Variants in LRRFIP1 observed in about 807,000 individuals in gnomAD.
The protein encoded by LRRFIP1 is leucine-rich repeat flightless-interacting protein 1.
A neutral mutation model predicts 104.4 loss-of-function variants in LRRFIP1; 62 were observed. That is an observed-to-expected ratio of 0.59 (90% confidence interval 0.48 to 0.73). The LOEUF (loss-of-function observed/expected upper bound fraction) is 0.73. LRRFIP1 is among the 30% of genes least tolerant of loss of function. The pLI is 0.00. For missense variants in LRRFIP1, 796 were observed against 824.5 expected, an observed-to-expected ratio of 0.97 and a Z score of 0.42; for synonymous variants, 300 against 299.0, an observed-to-expected ratio of 1.00 and a Z score of -0.03.
intron 23 of LRRFIP1, 75 bp downstream of exon 23, chr2:237,774,537 T>G: frequency 1.0e-6 from 1 of 963,004 alleles, no homozygotes; most frequent in Non-Finnish European, 1.6e-6. Context: ...CAGAGAGGAT[T>G]TACTACTGTG....
At chr2:237,662,037 C>T (rs2088088240) in intron 1 of LRRFIP1, among the ~76,000 whole-genome samples, 1 of 152,172 alleles carries the variant, frequency 6.6e-6, no homozygotes, top group South Asian at 2.1e-4. Flanking sequence ...CTCACAGTTC[C>T]GGAGACCGGA....
intron 13 of LRRFIP1, 120 bp downstream of exon 13, chr2:237,749,444 C>T (rs770546379): frequency 2.2e-5 from 25 of 1,160,752 alleles, no homozygotes; most frequent in Non-Finnish European, 3.0e-5. Flanking sequence ...TCCTCTCTCC[C>T]TCACCTCCCC....
intron 15 of LRRFIP1, among the ~76,000 whole-genome samples, chr2:237,755,418 G>A (rs1359259525): frequency 6.6e-6 from 1 of 152,208 alleles, no homozygotes; most frequent in Non-Finnish European, 1.5e-5. Context: ...TTCAGCAGGG[G>A]CCATTTTATG....
In LRRFIP1 at chr2:237,735,389, A is replaced by G; in HGVS notation, c.555+56A>G. The G allele has an allele frequency of 1.3e-6, 2 of 1,550,948 alleles. No individual in the cohort carries two copies. Among genetic ancestry groups the G allele is most frequent in the East Asian group, 2.3e-5 (1 of 44,132 alleles). ...CCCGTGCCTGCTGCATGGCCTGGGG[A>G]TGCTCGCTGGGCAGGGTCCAGCCGT... On this transcript the variant is annotated intron_variant, in intron 10 of 23. Coordinates refer to ENST00000308482, the MANE Select transcript of LRRFIP1 (RefSeq NM_001137550.2). The surrounding 1 kb of genome is among the most constrained non-coding windows in gnomAD (Gnocchi z 4.6).
At chr2:237,676,272 G>T (rs544314195) in intron 1 of LRRFIP1, among the ~76,000 whole-genome samples, 1 of 152,202 alleles carries the variant, frequency 6.6e-6, no homozygotes, top group Non-Finnish European at 1.5e-5. Flanking sequence ...AAGGTACATA[G>T]TTTAAATGTA....
intron 1 of LRRFIP1, among the ~76,000 whole-genome samples, chr2:237,698,471 A>G (rs61466259): frequency 0.042 from 6,334 of 152,346 alleles, 488 homozygotes; most frequent in African/African-American, 0.15. Context: ...TGAGAGAAGC[A>G]GTCGGCACCC....
At chr2:237,692,219 AG>A in intron 1 of LRRFIP1, 5 of 1,089,142 alleles carry the variant, frequency 4.6e-6, no homozygotes, top group Non-Finnish European at 5.6e-6. Context: ...TTCCACCCCG[AG>A]CCCGACTCAG....
chr2:237,714,185 GA>G, intron 2 of LRRFIP1, 73 bp from the exon 3 acceptor site: 1 of 1,057,102 alleles, frequency 9.5e-7, no homozygotes, highest in Non-Finnish European at 1.4e-6. Flanking sequence ...GTTACTTACA[GA>G]ACCTTTCATT....
In LRRFIP1 at chr2:237,755,818, C is replaced by T. The variant is rs375804703; in HGVS notation, c.1039-277C>T. Among the ~76,000 whole-genome samples the T allele has an allele frequency of 3.9e-5, 6 of 152,322 alleles. No individual in the cohort carries two copies. The East Asian group carries it at 9.6e-4, about 24-fold the overall frequency. ...GCATGGAGGCAGGCGCCTGTATTCC[C>T]AGCTACTTGGGAGGCTGAGGCAGCA... On this transcript the variant is annotated intron_variant, in intron 15 of 23. Coordinates refer to ENST00000308482, the MANE Select transcript of LRRFIP1 (RefSeq NM_001137550.2).
At chr2:237,630,071 G>A (rs2082134227) in intron 1 of LRRFIP1, among the ~76,000 whole-genome samples, 3 of 152,184 alleles carry the variant, frequency 2.0e-5, no homozygotes, top group Admixed American at 1.3e-4. Context: ...TATGTAACTA[G>A]GCGGTGGGTA....
At chr2:237,740,236 C>A (rs1042043705) in intron 11 of LRRFIP1, among the ~76,000 whole-genome samples, 6 of 150,414 alleles carry the variant, frequency 4.0e-5, no homozygotes, top group African/African-American at 1.5e-4. Flanking sequence ...CAAGACCCCC[C>A]ATCTCTAAAC....
chr2:237,741,471 A>T (rs1486154525), intron 11 of LRRFIP1, among the ~76,000 whole-genome samples: 1 of 152,224 alleles, frequency 6.6e-6, no homozygotes, highest in African/African-American at 2.4e-5. Flanking sequence ...AGGAAGAAAC[A>T]TTTTCCGTAA....
intron 1 of LRRFIP1, among the ~76,000 whole-genome samples, chr2:237,679,220 A>G (rs1225662773): frequency 2.0e-5 from 3 of 152,208 alleles, no homozygotes; most frequent in Admixed American, 1.3e-4. Flanking sequence ...GTTTCCTTTC[A>G]GGTGCCTTGC....
Position 237,720,831 on chromosome 2 carries a change from C to A in LRRFIP1, c.345+9C>A. On this transcript the variant is annotated intron_variant, in intron 6 of 23. Coordinates refer to ENST00000308482, the MANE Select transcript of LRRFIP1 (RefSeq NM_001137550.2). Reference sequence around the variant, plus strand: ...GTCGTGGAAGCCTGAGGGTCAGTAACCAGAATGATGGAGTTTGCATGGCAC... The same window carrying A: ...GTCGTGGAAGCCTGAGGGTCAGTAAACAGAATGATGGAGTTTGCATGGCAC... 6.2e-7 allele frequency: 1 copy of A among 1,613,552 alleles called. No individual in the cohort carries two copies. The highest frequency in any genetic ancestry group is 1.1e-5 in the South Asian group (1 of 91,066).
At chr2:237,709,149 C>T (rs1380379591) in intron 2 of LRRFIP1, among the ~76,000 whole-genome samples, 1 of 152,146 alleles carries the variant, frequency 6.6e-6, no homozygotes, top group East Asian at 1.9e-4. Flanking sequence ...GGAAGAAATT[C>T]CTCCCTGGGA....
chr2:237,762,800 G>A, intron 19 of LRRFIP1: 2 of 1,614,206 alleles, frequency 1.2e-6, no homozygotes, highest in Non-Finnish European at 1.7e-6. Context: ...AGGAACCTTA[G>A]CAGGTGCTAC....
At chr2:237,705,153 G>C (rs1160465423) in intron 1 of LRRFIP1, among the ~76,000 whole-genome samples, 1 of 152,000 alleles carries the variant, frequency 6.6e-6, no homozygotes. Context: ...AGCTAAGCTG[G>C]AATAGGGTGG....
At chr2:237,692,121 G>T in intron 1 of LRRFIP1, 1 of 909,206 alleles carries the variant, frequency 1.1e-6, no homozygotes, top group Middle Eastern at 5.5e-4. Flanking sequence ...GGCGTAGCCG[G>T]GAGGGCCCCT....
chr2:237,740,846 C>A (rs2150468846), intron 11 of LRRFIP1, among the ~76,000 whole-genome samples: 1 of 151,180 alleles, frequency 6.6e-6, no homozygotes. Context: ...GGCCCAGGTG[C>A]CATTCATCAC....
Sources: allele counts gnomAD v4.1 joint callset (sites outside exome capture counted in the v4.1 genomes callset), GRCh38; gene constraint gnomAD v4.1.1; non-coding constraint Gnocchi (gnomAD v3.1); transcripts MANE v1.5; gene names NCBI Gene and HGNC (gene_info 2026-07-23, HGNC 2026-07-21).